The following MAGI2 variants were observed in gnomAD, a reference collection of about 807,000 sequenced individuals.
MAGI2 encodes the protein membrane associated guanylate kinase, WW and PDZ domain containing 2, also known as membrane-associated guanylate kinase, WW and PDZ domain-containing protein 2.
Under a neutral mutation model 133.3 loss-of-function variants are expected in MAGI2, and 35 were observed. The ratio of observed to expected loss-of-function variants is 0.26; its 90% CI spans 0.20 to 0.35. The LOEUF is 0.35. MAGI2 is among the 10% of genes least tolerant of loss of function. MAGI2 has a pLI of 1.00. For missense variants in MAGI2, 1,636 were observed against 1,863.4 expected, an observed-to-expected ratio of 0.88 and a Z score of 2.25; for synonymous variants, 729 against 710.6, an observed-to-expected ratio of 1.03 and a Z score of -0.41.
intron 5 of MAGI2, among the ~76,000 whole-genome samples, chr7:78,491,656 T>C (rs890032440): frequency 2.0e-5 from 3 of 152,062 alleles, no homozygotes; most frequent in Admixed American, 1.3e-4. Context: ...TTTAGAAGGA[T>C]ATAAAATATT....
intron 13 of MAGI2, 88 bp from the exon 14 acceptor site, chr7:78,178,190 T>C: frequency 1.2e-6 from 1 of 819,200 alleles, no homozygotes; most frequent in Non-Finnish European, 2.1e-6. Flanking sequence ...AAATTAATTT[T>C]GTGGATGCGA....
chr7:78,984,996 CT>C (rs142419894), intron 2 of MAGI2, among the ~76,000 whole-genome samples: 16,577 of 140,620 alleles, frequency 0.12, 840 homozygotes, highest in Admixed American at 0.2. Flanking sequence ...TTCTTCTTTC[CT>C]TTTTTTTTTT....
rs115745823 is a variant in MAGI2, at chr7:78,632,665, A to G, written c.419-5426T>C. Among the ~76,000 whole-genome samples, 504 of 152,320 alleles carry G rather than the reference A, an allele frequency of 3.3e-3. 1 individual carries two copies. Among genetic ancestry groups the G allele is most frequent in the African/African-American group, 0.011 (439 of 41,580 alleles). On this transcript the variant is annotated intron_variant, in intron 2 of 21. Coordinates refer to ENST00000354212, the MANE Select transcript of MAGI2 (RefSeq NM_012301.4). The stretch of plus-strand genomic sequence containing the variant: ...TCAAAATCATTTTCAAAGGATAAAC[A>G]TGGCAGTGCATGGTGTGTTCCAATG...
chr7:78,220,132 C>T (rs1302598146), intron 10 of MAGI2, among the ~76,000 whole-genome samples: 1 of 152,174 alleles, frequency 6.6e-6, no homozygotes, highest in African/African-American at 2.4e-5. Flanking sequence ...GTCTGTCTGC[C>T]CCACTCCATT....
At chr7:78,103,713 G>C (rs1213017819) in intron 20 of MAGI2, among the ~76,000 whole-genome samples, 1 of 152,170 alleles carries the variant, frequency 6.6e-6, no homozygotes, top group Non-Finnish European at 1.5e-5. Context: ...GTTTATTCTG[G>C]TATGTAATGA....
chr7:79,167,397 CAAAAAAAAAAAA>C (rs10542271), intron 1 of MAGI2, among the ~76,000 whole-genome samples: 1 of 84,734 alleles, frequency 1.2e-5, no homozygotes, highest in Admixed American at 1.3e-4. Context: ...CCAAAAATGG[CAAAAAAAAAAAA>C]AAAAAAAAAC....
At chr7:78,399,717 A>C (rs1006552600) in intron 6 of MAGI2, among the ~76,000 whole-genome samples, 5 of 150,746 alleles carry the variant, frequency 3.3e-5, no homozygotes, top group Non-Finnish European at 4.4e-5. Flanking sequence ...AGGCACAAGA[A>C]TAATTTGAAC....
At chr7:78,715,745 T>C (rs1379578884) in intron 2 of MAGI2, among the ~76,000 whole-genome samples, 1 of 141,418 alleles carries the variant, frequency 7.1e-6, no homozygotes, top group East Asian at 2.1e-4. Context: ...GAACATATTG[T>C]TTTAGATAAT....
chr7:79,078,663 C>T (rs1815764875), intron 1 of MAGI2, among the ~76,000 whole-genome samples: 14 of 152,186 alleles, frequency 9.2e-5, no homozygotes, highest in Admixed American at 9.2e-4. Context: ...CTAGCTAGGT[C>T]TGTGCTCCAA....
chr7:78,927,009 C>T (rs191584806), intron 2 of MAGI2, among the ~76,000 whole-genome samples: 1 of 152,018 alleles, frequency 6.6e-6, no homozygotes, highest in African/African-American at 2.4e-5. Flanking sequence ...AAATCTCATC[C>T]CCTAAACAGT....
intron 2 of MAGI2, among the ~76,000 whole-genome samples, chr7:78,998,446 C>A (rs970713920): frequency 6.6e-6 from 1 of 152,072 alleles, no homozygotes; most frequent in Admixed American, 6.6e-5. Context: ...AAGTTTAATA[C>A]CTTTGCCAAG....
intron 6 of MAGI2, among the ~76,000 whole-genome samples, chr7:78,386,395 C>T (rs376160204): frequency 2.8e-4 from 42 of 152,254 alleles, no homozygotes; most frequent in African/African-American, 9.4e-4. Context: ...GTAAGTGAAT[C>T]TGCAAAATAT....
At chr7:78,205,250 G>A (rs1829625766) in intron 10 of MAGI2, among the ~76,000 whole-genome samples, 1 of 152,112 alleles carries the variant, frequency 6.6e-6, no homozygotes, top group African/African-American at 2.4e-5. Flanking sequence ...TCCCTCCTCA[G>A]CCTCCTGAGT....
intron 1 of MAGI2, among the ~76,000 whole-genome samples, chr7:79,264,903 CT>C (rs928698131): frequency 1.2e-4 from 19 of 152,068 alleles, no homozygotes; most frequent in African/African-American, 4.1e-4. Context: ...ACGCCAGCCT[CT>C]TTTTAACAAC....
intron 1 of MAGI2, among the ~76,000 whole-genome samples, chr7:79,360,456 A>C (rs921322302): frequency 5.3e-5 from 8 of 152,134 alleles, no homozygotes; most frequent in African/African-American, 1.9e-4. Flanking sequence ...CAACAAAAGA[A>C]GCTGTAACAT....
intron 1 of MAGI2, among the ~76,000 whole-genome samples, chr7:79,063,119 C>T (rs1030364505): frequency 2.6e-5 from 4 of 151,986 alleles, no homozygotes; most frequent in Non-Finnish European, 4.4e-5. Context: ...CTCATTTTGT[C>T]CTGGCTTCAT....
At chr7:78,937,477 A>T (rs1420188817) in intron 2 of MAGI2, among the ~76,000 whole-genome samples, 1 of 152,188 alleles carries the variant, frequency 6.6e-6, no homozygotes, top group East Asian at 1.9e-4. Flanking sequence ...AATAATGTTT[A>T]CATAAGGTAT....
chr7:78,859,796 G>A (rs1303951903), intron 2 of MAGI2, among the ~76,000 whole-genome samples: 1 of 152,168 alleles, frequency 6.6e-6, no homozygotes, highest in Non-Finnish European at 1.5e-5. Context: ...GCCTCACTAG[G>A]TTGGGGTAGT....
chr7:78,276,220 G>C (rs1388466233), intron 9 of MAGI2, among the ~76,000 whole-genome samples: 1 of 152,150 alleles, frequency 6.6e-6, no homozygotes, highest in Non-Finnish European at 1.5e-5. Context: ...CTTGAGTCAA[G>C]ATATTGGAAA....
Sources: gnomAD v4.1 joint callset for allele counts (sites outside exome capture counted in the v4.1 genomes callset) on GRCh38, gnomAD v4.1.1 for gene constraint, MANE v1.5 for transcripts, NCBI Gene and HGNC (gene_info 2026-07-23, HGNC 2026-07-21) for gene names.